Variants in SOX5 observed in about 807,000 individuals in gnomAD.
SOX5 encodes transcription factor SOX-5.
In SOX5, 9 loss-of-function variants were observed where a neutral mutation model predicts 92.0. The observed-to-expected ratio is 0.10, with a 90% CI of 0.06 to 0.17. SOX5 has a LOEUF of 0.17. SOX5 is among the 10% of genes least tolerant of loss of function. The pLI is 1.00. For synonymous variants in SOX5, 344 were observed against 336.3 expected (o/e 1.02, Z -0.25); for missense variants, 642 against 944.5 (o/e 0.68, Z 4.20).
intron 4 of SOX5, among the ~76,000 whole-genome samples, chr12:23,973,006 T>A (rs1359400645): frequency 6.6e-6 from 1 of 152,126 alleles, no homozygotes; most frequent in Non-Finnish European, 1.5e-5. Context: ...GTAGCGACCT[T>A]CCTACTCTGT....
At chr12:24,265,654 G>A (rs971514309) in intron 3 of SOX5, among the ~76,000 whole-genome samples, 2 of 152,198 alleles carry the variant, frequency 1.3e-5, no homozygotes, top group Non-Finnish European at 2.9e-5. Context: ...TTAAAGAAAT[G>A]TAGCTGAAAC....
chr12:24,216,491 A>G (rs1190709660), intron 3 of SOX5, among the ~76,000 whole-genome samples: 4 of 152,128 alleles, frequency 2.6e-5, no homozygotes, highest in Non-Finnish European at 5.9e-5. Context: ...CTCGGAAAAA[A>G]AAAATAAAAA....
At chr12:23,979,946 T>TAG (rs200455387) in intron 4 of SOX5, among the ~76,000 whole-genome samples, 1 of 134,566 alleles carries the variant, frequency 7.4e-6, no homozygotes, top group Non-Finnish European at 1.6e-5. Context: ...GATAGATAGA[T>TAG]AGATAGACAG....
chr12:23,829,304 G>A (rs536098051), intron 3 of SOX5, among the ~76,000 whole-genome samples: 32 of 152,130 alleles, frequency 2.1e-4, no homozygotes, highest in African/African-American at 7.2e-4. Context: ...ACACATGCAC[G>A]CACAGACACA....
intron 2 of SOX5, among the ~76,000 whole-genome samples, chr12:24,300,287 G>GT (rs1439197504): frequency 6.6e-6 from 1 of 152,158 alleles, no homozygotes; most frequent in Non-Finnish European, 1.5e-5. Context: ...AAGAATTAAA[G>GT]TATACTGGAA....
At chr12:23,698,596 A>G (rs552910026) in intron 6 of SOX5, among the ~76,000 whole-genome samples, 3 of 152,230 alleles carry the variant, frequency 2.0e-5, no homozygotes, top group Admixed American at 2.0e-4. Context: ...AGCTGTTTCA[A>G]CATCTTTGTC....
chr12:24,217,521 A>G (rs1959278970), intron 3 of SOX5, among the ~76,000 whole-genome samples: 1 of 152,236 alleles, frequency 6.6e-6, no homozygotes, highest in Non-Finnish European at 1.5e-5. Flanking sequence ...ACCTACATGT[A>G]GAAACTAAAC....
chr12:24,464,637 G>A (rs941681710), intron 1 of SOX5, among the ~76,000 whole-genome samples: 1 of 152,078 alleles, frequency 6.6e-6, no homozygotes, highest in East Asian at 1.9e-4. Flanking sequence ...CACCGCACCC[G>A]GTCTTGAGAG....
intron 3 of SOX5, among the ~76,000 whole-genome samples, chr12:23,816,071 C>T (rs1271226137): frequency 6.6e-6 from 1 of 152,034 alleles, no homozygotes; most frequent in Non-Finnish European, 1.5e-5. Context: ...TTCAACAACT[C>T]ATAAATGGAA....
At chr12:24,411,184 G>A (rs1964005145) in intron 1 of SOX5, among the ~76,000 whole-genome samples, 1 of 151,524 alleles carries the variant, frequency 6.6e-6, no homozygotes, top group African/African-American at 2.4e-5. Context: ...TTAGTTTTGG[G>A]AGTTAGTTTT....
At chr12:23,615,423 T>A (rs1214439440) in intron 8 of SOX5, among the ~76,000 whole-genome samples, 1 of 152,164 alleles carries the variant, frequency 6.6e-6, no homozygotes, top group Non-Finnish European at 1.5e-5. Flanking sequence ...AGGGGAATTG[T>A]TGTGTAGATT....
At position 23,775,907 on chromosome 12, in the gene SOX5, C is replaced by T. The variant is rs552701639; in HGVS notation, c.482-20183G>A. Among the ~76,000 whole-genome samples the T allele has an allele frequency of 6.6e-5, 10 of 152,204 alleles. 1 individual carries two copies. The South Asian group carries it at 1.7e-3, about 25-fold the overall frequency. On this transcript the variant is annotated intron_variant, in intron 3 of 14. Transcript: ENST00000451604. ...GCCACGGTCTCCAACCTTTTTGGCA[C>T]GAGGAACCAGTTTCATGCAAGGCAG... is the stretch of plus-strand genomic sequence containing the variant.
chr12:23,946,545 A>C lies in SOX5; in HGVS notation c.38+3019T>G, dbSNP rs74879609. Among the ~76,000 whole-genome samples the C allele has an allele frequency of 1.3e-3, 205 of 152,116 alleles. 4 individuals are homozygous for C. The East Asian group carries it at 0.03, about 22-fold the overall frequency. On this transcript the variant is annotated intron_variant, in intron 1 of 14. Coordinates refer to ENST00000451604, the MANE Select transcript of SOX5 (RefSeq NM_006940.6). ...TTCTTTTCATCCTTGAAATATCAAA[A>C]AGTAGGTGACATTCTCAAAGGAAAA...
intron 8 of SOX5, among the ~76,000 whole-genome samples, chr12:23,618,855 G>A (rs546692330): frequency 6.6e-6 from 1 of 152,276 alleles, no homozygotes; most frequent in African/African-American, 2.4e-5. Context: ...CAGTGGGATA[G>A]AGGTGGAATC....
At chr12:23,595,541 C>T (rs944785278) in intron 9 of SOX5, among the ~76,000 whole-genome samples, 1 of 147,462 alleles carries the variant, frequency 6.8e-6, no homozygotes, top group Non-Finnish European at 1.5e-5. Context: ...ATGGTGTGAA[C>T]CCGGGAGGCG....
chr12:23,884,575 C>T (rs962312237), intron 2 of SOX5, among the ~76,000 whole-genome samples: 2 of 152,132 alleles, frequency 1.3e-5, no homozygotes, highest in African/African-American at 4.8e-5. Flanking sequence ...CTGCCTCCCC[C>T]ACAAGTATTT....
intron 6 of SOX5, among the ~76,000 whole-genome samples, chr12:23,694,057 C>A (rs2089381539): frequency 6.6e-6 from 1 of 152,080 alleles, no homozygotes; most frequent in Admixed American, 6.5e-5. Flanking sequence ...CAATTTTAGG[C>A]TAATAGTTAC....
intron 6 of SOX5, among the ~76,000 whole-genome samples, chr12:23,725,477 C>T (rs1234578979): frequency 1.3e-5 from 2 of 152,126 alleles, no homozygotes; most frequent in Admixed American, 6.6e-5. Flanking sequence ...AGATCCACCC[C>T]CATGATTCAA....
intron 1 of SOX5, among the ~76,000 whole-genome samples, chr12:24,546,820 T>C (rs1952665195): frequency 6.6e-6 from 1 of 152,216 alleles, no homozygotes; most frequent in Non-Finnish European, 1.5e-5. Flanking sequence ...TAGGGTTGAC[T>C]TCCCCCAGGG....
Sources: allele counts gnomAD v4.1 joint callset (sites outside exome capture counted in the v4.1 genomes callset), GRCh38; gene constraint gnomAD v4.1.1; transcripts MANE v1.5; gene names NCBI Gene and HGNC (gene_info 2026-07-23, HGNC 2026-07-21).